The following DIP2C variants were observed in gnomAD, a reference collection of about 807,000 sequenced individuals.
DIP2C encodes the protein disco-interacting protein 2 homolog C.
In DIP2C, 33 loss-of-function variants were observed where a neutral mutation model predicts 192.4. The observed-to-expected ratio is 0.17, with a 90% CI of 0.13 to 0.23. DIP2C has a LOEUF of 0.23. Among genes scored for constraint, DIP2C ranks in the 10% least tolerant of loss-of-function variants. The pLI is 1.00. For missense variants in DIP2C, 1,537 were observed against 2,110.1 expected (o/e 0.73, Z 5.32); for synonymous variants, 979 against 864.1 (o/e 1.13, Z -2.33).
At chr10:453,640 G>A (rs763182791) in intron 3 of DIP2C, among the ~76,000 whole-genome samples, 21 of 152,300 alleles carry the variant, frequency 1.4e-4, no homozygotes, top group Non-Finnish European at 2.9e-4. Flanking sequence ...ATTCTAGTTT[G>A]GGATCCTAAA....
At chr10:565,652 A>G (rs923795610) in intron 1 of DIP2C, among the ~76,000 whole-genome samples, 1 of 152,250 alleles carries the variant, frequency 6.6e-6, no homozygotes, top group African/African-American at 2.4e-5. Context: ...CCCGTTTGCT[A>G]CATGTAAGCT....
intron 32 of DIP2C, among the ~76,000 whole-genome samples, chr10:299,613 T>C (rs373867440): frequency 6.6e-6 from 1 of 152,218 alleles, no homozygotes; most frequent in Non-Finnish European, 1.5e-5. Flanking sequence ...CAAAAGTATA[T>C]GCAGAAAACA....
chr10:302,246 C>T (rs1054373083), intron 32 of DIP2C, among the ~76,000 whole-genome samples: 2 of 152,118 alleles, frequency 1.3e-5, no homozygotes, highest in African/African-American at 4.8e-5. Context: ...CAAGAATCCT[C>T]CTAATGACTC....
intron 17 of DIP2C, among the ~76,000 whole-genome samples, chr10:371,755 G>A (rs12771916): frequency 1.4e-5 from 2 of 143,842 alleles, no homozygotes; most frequent in Non-Finnish European, 3.0e-5. Flanking sequence ...CAGGCCTGGG[G>A]TGGGCCCCCT....
chr10:441,244 A>T (rs1015375029), intron 3 of DIP2C: 5 of 437,558 alleles, frequency 1.1e-5, no homozygotes, highest in African/African-American at 1.0e-4. Context: ...TGTAAACTGC[A>T]CTGAGATTTG....
intron 31 of DIP2C, among the ~76,000 whole-genome samples, chr10:314,747 G>C (rs1564542383): frequency 6.6e-6 from 1 of 152,244 alleles, no homozygotes; most frequent in Non-Finnish European, 1.5e-5. Flanking sequence ...GGCACCTGCA[G>C]AGTGGATGAA....
intron 1 of DIP2C, among the ~76,000 whole-genome samples, chr10:617,020 T>C (rs1358639341): frequency 2.0e-5 from 3 of 151,346 alleles, no homozygotes; most frequent in Non-Finnish European, 4.4e-5. Flanking sequence ...AGATTTCACA[T>C]AAAATGCGTA....
intron 5 of DIP2C, among the ~76,000 whole-genome samples, chr10:419,939 A>C (rs1016842243): frequency 1.3e-5 from 2 of 152,200 alleles, no homozygotes; most frequent in African/African-American, 4.8e-5. Context: ...ATGCTTTTCT[A>C]TTTAATGAAT....
intron 1 of DIP2C, among the ~76,000 whole-genome samples, chr10:633,434 G>T (rs974636558): frequency 2.4e-4 from 37 of 152,104 alleles, no homozygotes; most frequent in African/African-American, 8.5e-4. Flanking sequence ...GCTGCAGAGC[G>T]GACGCGGGGA....
At chr10:644,457 C>A (rs1313477526) in intron 1 of DIP2C, among the ~76,000 whole-genome samples, 2 of 152,290 alleles carry the variant, frequency 1.3e-5, no homozygotes, top group African/African-American at 2.4e-5. Context: ...CAATCCCAGA[C>A]TTGCCCACAG....
intron 1 of DIP2C, among the ~76,000 whole-genome samples, chr10:548,542 G>A (rs1564839044): frequency 6.6e-6 from 1 of 150,570 alleles, no homozygotes; most frequent in Non-Finnish European, 1.5e-5. Context: ...AGGCAGGCAG[G>A]CAGCGAGGAC....
rs114892863 is a variant in DIP2C at position 542,673 on chromosome 10, G to A, written c.86-56143C>T. The stretch of plus-strand genomic sequence containing the variant: ...TCAGATCCCAGTTCTTATCAGATTG[G>A]GAAGTGGGGGGTTCTGACCCTGTCC... On this transcript the variant is annotated intron_variant, in intron 1 of 36. Transcript: ENST00000280886. Among the ~76,000 whole-genome samples the A allele has an allele frequency of 4.9e-3, 748 of 152,292 alleles. 6 individuals carry two copies. Among genetic ancestry groups the A allele is most frequent in the African/African-American group, 0.017 (700 of 41,556 alleles).
At chr10:675,527 T>C (rs1341268829) in intron 1 of DIP2C, among the ~76,000 whole-genome samples, 2 of 151,690 alleles carry the variant, frequency 1.3e-5, no homozygotes, top group Non-Finnish European at 2.9e-5. Context: ...AGACAAACCA[T>C]TAGCTACACT....
At chr10:643,279 C>T (rs1855294086) in intron 1 of DIP2C, among the ~76,000 whole-genome samples, 1 of 150,680 alleles carries the variant, frequency 6.6e-6, no homozygotes, top group Non-Finnish European at 1.5e-5. Context: ...CTTTGGGAGG[C>T]CAAGGCGGGT....
chr10:427,018 G>A (rs1457831200), intron 4 of DIP2C, among the ~76,000 whole-genome samples: 1 of 152,150 alleles, frequency 6.6e-6, no homozygotes, highest in African/African-American at 2.4e-5. Flanking sequence ...AAACTACTAA[G>A]TTTTAAAAGA....
At chr10:661,904 G>A (rs978496829) in intron 1 of DIP2C, 4 of 643,970 alleles carry the variant, frequency 6.2e-6, no homozygotes, top group African/African-American at 3.6e-5. Flanking sequence ...CGACCTCAGG[G>A]TGTAGACTCA....
At chr10:610,752 A>AC (rs1293102089) in intron 1 of DIP2C, among the ~76,000 whole-genome samples, 8 of 150,742 alleles carry the variant, frequency 5.3e-5, no homozygotes, top group African/African-American at 2.0e-4. Flanking sequence ...GTGGTTTCTA[A>AC]CCCCCCAGTG....
In DIP2C at chr10:274,538, C is replaced by T. The variant is rs1228390603; in HGVS notation, c.*2787G>A. The T allele has an allele frequency of 6.6e-6, 1 of 152,198 alleles. No homozygotes were observed. The highest frequency in any genetic ancestry group is 1.5e-5 in the Non-Finnish European group (1 of 68,028). The allele number at this position is 152,198 out of a possible 1,614,324, so 9.4% of individuals were successfully genotyped here. A position where few individuals can be genotyped will look rare whatever the true frequency, so the allele number is the denominator to read the frequency against. On this transcript the variant is annotated 3_prime_UTR_variant, in exon 37 of 37. Coordinates refer to ENST00000280886, the MANE Select transcript of DIP2C (RefSeq NM_014974.3). ...CGTTATCACAGATGTACAAAGCGTA[C>T]TGGTGGTTTAACATACAAGAAGGTT...
intron 1 of DIP2C, among the ~76,000 whole-genome samples, chr10:520,425 G>C (rs1265518252): frequency 6.6e-6 from 1 of 152,224 alleles, no homozygotes; most frequent in Admixed American, 6.5e-5. Flanking sequence ...TAAATTTAAA[G>C]TAATTTCTGC....
Sources: allele counts gnomAD v4.1 joint callset (sites outside exome capture counted in the v4.1 genomes callset), GRCh38; gene constraint gnomAD v4.1.1; transcripts MANE v1.5; gene names NCBI Gene and HGNC (gene_info 2026-07-23, HGNC 2026-07-21).